OGG1: variants seen among roughly 807,000 people sequenced by gnomAD.
The protein encoded by OGG1 is N-glycosylase/DNA lyase.
OGG1 carries 35 observed loss-of-function variants against 42.3 expected under a neutral mutation model. The ratio of observed to expected loss-of-function variants is 0.83; its 90% confidence interval spans 0.63 to 1.10. The LOEUF is 1.10. Ranked by LOEUF, OGG1 falls within the 50% of genes least tolerant of loss-of-function variation. The probability of loss-of-function intolerance (pLI) is 0.00; values close to 1 mark genes in which losing one functional copy is unlikely to be tolerated. For missense variants in OGG1, 484 were observed against 446.7 expected (o/e 1.08, Z -0.75); for synonymous variants, 189 against 179.0 (o/e 1.06, Z -0.44).
chr3:9,789,614 C>G, downstream of OGG1: 2 of 1,613,920 alleles, frequency 1.2e-6, no homozygotes, highest in Non-Finnish European at 1.7e-6. Context: ...AAGCCCAGAA[C>G]CTGCAGGGAG....
exon 8 of OGG1, chr3:9,765,851 C>T: frequency 6.2e-7 from 1 of 1,614,012 alleles, no homozygotes; most frequent in Non-Finnish European, 8.5e-7. Flanking sequence ...GCTTCTGCGT[C>T]CTCTTATCTT....
At chr3:9,757,706 C>T (rs756669842), downstream of OGG1, 2 of 1,614,104 alleles carry the variant, frequency 1.2e-6, no homozygotes, top group Non-Finnish European at 1.7e-6. This position sits in a 1 kb window ranked among gnomAD's most constrained non-coding sequence, Gnocchi z 4.5. Context: ...CACCCATGCC[C>T]TTCTGCAGAG....
At chr3:9,757,574 T>C (rs760869166), downstream of OGG1, 1 of 1,614,108 alleles carries the variant, frequency 6.2e-7, no homozygotes, top group South Asian at 1.1e-5. This position sits in a 1 kb window ranked among gnomAD's most constrained non-coding sequence, Gnocchi z 4.5. Context: ...GACAGTTCTG[T>C]GCCCGGCTCC....
Position 9,750,416 on chromosome 3 carries a change from T to C in OGG1, c.130T>C (p.Ser44Pro), listed in dbSNP as rs939255450. 2.3e-5 allele frequency: 37 copies of C among 1,613,828 alleles called. No homozygotes were observed. Among genetic ancestry groups the C allele is most frequent in the Non-Finnish European group, 3.1e-5 (36 of 1,180,036 alleles). Residue 44 changes from serine (S) to proline (P), a missense_variant, in exon 1 of 7, where the codon TCT becomes CCT. Ser to Pro is a moderately conservative substitution (Grantham distance 74). Coordinates refer to ENST00000344629, the MANE Select transcript of OGG1 (RefSeq NM_002542.6). Reference sequence around the variant, plus strand: ...GGACCTGGTTCTGCCTTCTGGACAATCTTTCCGGTGAGTGACTGAGCCTGA... The same window carrying C: ...GGACCTGGTTCTGCCTTCTGGACAACCTTTCCGGTGAGTGACTGAGCCTGA... ...RLDLVLPSGQSFRWREQSPAH... is the reference protein window; with the variant it reads ...RLDLVLPSGQPFRWREQSPAH...
At chr3:9,750,851 G>C in intron 1 of OGG1, 94 bp from the exon 2 acceptor site, 1 of 1,439,320 alleles carries the variant, frequency 6.9e-7, no homozygotes, top group South Asian at 1.2e-5. Flanking sequence ...ACTTGTATTA[G>C]TTTCGTACAT....
intron 2 of OGG1, among the ~76,000 whole-genome samples, chr3:9,778,176 T>C (rs1486224531): frequency 2.0e-5 from 3 of 152,234 alleles, no homozygotes; most frequent in Admixed American, 6.5e-5. Flanking sequence ...TGGTGCATAC[T>C]AACATTTACT....
intron 3 of OGG1, chr3:9,787,693 T>G (rs1322862203): frequency 7.5e-7 from 1 of 1,328,764 alleles, no homozygotes; most frequent in Admixed American, 2.2e-5. Context: ...TTGTATTGCT[T>G]GAATTTACTG....
At chr3:9,752,796 A>T (rs1023347459) in intron 3 of OGG1, among the ~76,000 whole-genome samples, 1 of 152,160 alleles carries the variant, frequency 6.6e-6, no homozygotes, top group African/African-American at 2.4e-5. Context: ...CACGCCTGTA[A>T]TCCCAACACT....
At chr3:9,760,520 G>T, downstream of OGG1, 1 of 794,180 alleles carries the variant, frequency 1.3e-6, no homozygotes, top group Non-Finnish European at 2.1e-6. Context: ...GGGGTAGGGT[G>T]TCTGGTCTCG....
chr3:9,785,166 C>T (rs1575299637), intron 3 of OGG1: 4 of 593,266 alleles, frequency 6.7e-6, no homozygotes, highest in Non-Finnish European at 6.1e-6. Flanking sequence ...CATGCAGACA[C>T]GCTGGGTCAT....
intron 3 of OGG1, chr3:9,785,399 A>T (rs751465549): frequency 2.5e-6 from 4 of 1,613,840 alleles, no homozygotes. Flanking sequence ...GAATAGGAGA[A>T]TCCTCCATAG....
chr3:9,754,104 C>T (rs770295617), intron 3 of OGG1, among the ~76,000 whole-genome samples: 4 of 152,214 alleles, frequency 2.6e-5, no homozygotes, highest in Non-Finnish European at 5.9e-5. Context: ...TGTGCCACTG[C>T]ATTCCAGCCT....
At chr3:9,789,450 TC>T (rs1482777624), downstream of OGG1, 1 of 1,499,912 alleles carries the variant, frequency 6.7e-7, no homozygotes, top group Non-Finnish European at 9.2e-7. Context: ...GCTTTACTTC[TC>T]AGGCACCTCT....
intron 2 of OGG1, among the ~76,000 whole-genome samples, chr3:9,777,442 T>C (rs2078379560): frequency 6.6e-6 from 1 of 152,198 alleles, no homozygotes; most frequent in African/African-American, 2.4e-5. Context: ...CAACTATTCC[T>C]GCATCAAGGC....
In OGG1 at chr3:9,787,607, G is replaced by T. The variant is rs180881101; in HGVS notation, c.383-121G>T. 705 of 1,154,724 alleles carry T rather than the reference G, an allele frequency of 6.1e-4. 5 individuals are homozygous for T. The Admixed American group carries it at 9.3e-3, about 15-fold the overall frequency. The allele number at this position is 1,154,724 out of a possible 1,614,324, so 71.5% of individuals were successfully genotyped here. ...ATAGAAGGTGCAGAATACGTACACA[G>T]ATTGTCTCAGGTCACAGCAATTGCC... On this transcript the variant is annotated intron_variant, in intron 3 of 3. Transcript: ENST00000426518.
chr3:9,752,534 A>T (rs2077353772), intron 3 of OGG1, among the ~76,000 whole-genome samples: 1 of 144,854 alleles, frequency 6.9e-6, no homozygotes. Flanking sequence ...TGTCTCAAAA[A>T]AAAAAAAAAA....
chr3:9,780,288 C>A (rs2078428594), intron 2 of OGG1: 18 of 1,502,466 alleles, frequency 1.2e-5, no homozygotes, highest in Non-Finnish European at 1.5e-5. Context: ...TTTCCTGTGC[C>A]CAAAGAAGGA....
At chr3:9,761,867 T>G, downstream of OGG1, 5 of 1,462,076 alleles carry the variant, frequency 3.4e-6, no homozygotes, top group Non-Finnish European at 4.5e-6. Flanking sequence ...CAAAAGCCAC[T>G]GTGGCTTCAT....
downstream of OGG1, among the ~76,000 whole-genome samples, chr3:9,771,078 A>T (rs756958502): frequency 1.5e-4 from 22 of 145,938 alleles, no homozygotes; most frequent in Non-Finnish European, 3.1e-4. Context: ...CCCAGGCTGG[A>T]GTGCAATGGC....
Sources: gnomAD v4.1 joint callset for allele counts (sites outside exome capture counted in the v4.1 genomes callset) on GRCh38, gnomAD v4.1.1 for gene constraint, Gnocchi (gnomAD v3.1) non-coding constraint, MANE v1.5 for transcripts, NCBI Gene and HGNC (gene_info 2026-07-23, HGNC 2026-07-21) for gene names.